Variants in NLGN1 observed in about 807,000 individuals in gnomAD.
NLGN1 encodes neuroligin 1, also known as neuroligin-1.
A neutral mutation model predicts 65.5 loss-of-function variants in NLGN1; 12 were observed. The observed-to-expected ratio is 0.18, with a 90% CI of 0.12 to 0.30. NLGN1 has a LOEUF of 0.30. Ranked by LOEUF, NLGN1 falls within the 10% of genes least tolerant of loss-of-function variation. The pLI is 1.00. For synonymous variants in NLGN1, 350 were observed against 359.5 expected (o/e 0.97, Z 0.30); for missense variants, 750 against 1,007.1 (o/e 0.74, Z 3.46).
intron 3 of NLGN1, among the ~76,000 whole-genome samples, chr3:173,622,825 A>G (rs1309052770): frequency 6.6e-6 from 1 of 152,110 alleles, no homozygotes; most frequent in East Asian, 1.9e-4. Flanking sequence ...TAGAATAATT[A>G]TTTATTGTTT....
chr3:173,434,955 TC>T (rs1717842550), intron 1 of NLGN1: 1 of 152,740 alleles, frequency 6.5e-6, no homozygotes, highest in South Asian at 2.1e-4. Flanking sequence ...GTTGCTCAGT[TC>T]CGTGTCACTA....
At chr3:174,018,633 A>T (rs570449187) in intron 4 of NLGN1, among the ~76,000 whole-genome samples, 1 of 152,248 alleles carries the variant, frequency 6.6e-6, no homozygotes, top group Admixed American at 6.5e-5. Context: ...ACATCTAGAA[A>T]CGTTCTTAAA....
downstream of NLGN1, among the ~76,000 whole-genome samples, chr3:174,289,181 A>G (rs1485466890): frequency 6.6e-6 from 1 of 151,456 alleles, no homozygotes; most frequent in Non-Finnish European, 1.5e-5. Context: ...GCAAAAGATG[A>G]CAATTACTAA....
chr3:173,615,804 A>T (rs1301782148), intron 3 of NLGN1, among the ~76,000 whole-genome samples: 4 of 150,328 alleles, frequency 2.7e-5, no homozygotes, highest in Non-Finnish European at 5.9e-5. Flanking sequence ...AAAGCTGGGG[A>T]ATGCTTTGGC....
intron 2 of NLGN1, among the ~76,000 whole-genome samples, chr3:173,575,301 C>T (rs1745335447): frequency 1.3e-5 from 2 of 152,158 alleles, no homozygotes; most frequent in South Asian, 4.1e-4. Flanking sequence ...GATTGGTAAA[C>T]TTCAGTTTAT....
At chr3:173,819,561 C>T (rs1054168562) in intron 4 of NLGN1, among the ~76,000 whole-genome samples, 1 of 152,198 alleles carries the variant, frequency 6.6e-6, no homozygotes, top group East Asian at 1.9e-4. Flanking sequence ...CACAAATACC[C>T]ATCTTTCTCA....
intron 2 of NLGN1, among the ~76,000 whole-genome samples, chr3:173,530,235 G>A (rs556119792): frequency 3.9e-5 from 6 of 152,270 alleles, no homozygotes; most frequent in East Asian, 1.9e-4. Flanking sequence ...GATTACAGGC[G>A]TGAGCCACCA....
At chr3:174,194,427 G>A (rs1340829175) in intron 4 of NLGN1, among the ~76,000 whole-genome samples, 5 of 148,616 alleles carry the variant, frequency 3.4e-5, no homozygotes, top group Admixed American at 1.4e-4. Context: ...CCAGCCTGGA[G>A]ACAGAGCTAG....
At chr3:173,490,152 T>A (rs1315313158) in intron 2 of NLGN1, among the ~76,000 whole-genome samples, 1 of 152,238 alleles carries the variant, frequency 6.6e-6, no homozygotes, top group African/African-American at 2.4e-5. Context: ...AGACATGAAG[T>A]CCTTGCCCAT....
intron 4 of NLGN1, among the ~76,000 whole-genome samples, chr3:174,265,127 C>CT (rs1031425333): frequency 6.6e-6 from 1 of 151,646 alleles, no homozygotes; most frequent in Non-Finnish European, 1.5e-5. Context: ...TTATTGCTGT[C>CT]TTTTTGTTTG....
rs140952101 is a variant in NLGN1 at position 173,750,327 on chromosome 3, A to G, written c.494-57353A>G. ...TTATTACCATAGCAACACTTTCCTC[A>G]TGGCTTACACCATACCCTTATGATT... is the stretch of plus-strand genomic sequence containing the variant. On this transcript the variant is annotated intron_variant, in intron 3 of 6. Transcript: ENST00000457714. Among the ~76,000 whole-genome samples, 72 of 152,188 alleles carry G rather than the reference A, an allele frequency of 4.7e-4. 1 individual carries two copies. The highest frequency in any genetic ancestry group is 1.6e-3 in the African/African-American group (65 of 41,550).
chr3:173,942,648 A>G (rs996517861), intron 4 of NLGN1, among the ~76,000 whole-genome samples: 4 of 151,476 alleles, frequency 2.6e-5, no homozygotes, highest in African/African-American at 7.3e-5. Context: ...AAAGAACAAA[A>G]TACAGTGAAA....
At chr3:174,229,478 AT>A (rs571801950) in intron 4 of NLGN1, among the ~76,000 whole-genome samples, 48 of 152,306 alleles carry the variant, frequency 3.2e-4, no homozygotes, top group Admixed American at 1.6e-3. Context: ...CCCTCCCCAA[AT>A]TAATAAAAGT....
rs142655645 is a variant in NLGN1, at chr3:174,141,343, A to G, written c.647-133972A>G. 5.3e-5 allele frequency among the ~76,000 whole-genome samples: 8 copies of G among 152,280 alleles called. No individual in the cohort carries two copies. In the East Asian group the frequency reaches 1.2e-3, roughly 22 times the overall value. On this transcript the variant is annotated intron_variant, in intron 4 of 6. Coordinates refer to ENST00000457714, the Ensembl canonical transcript of NLGN1. The stretch of plus-strand genomic sequence containing the variant: ...TTGCTGAAGTGTTTCCTAATCTTTC[A>G]TCTTGTCACATTAGGATTCATTTAA...
intron 2 of NLGN1, among the ~76,000 whole-genome samples, chr3:173,543,626 G>A (rs1739264614): frequency 6.6e-6 from 1 of 152,066 alleles, no homozygotes; most frequent in Admixed American, 6.6e-5. Flanking sequence ...GATATTATAA[G>A]TGAAATTCTT....
intron 3 of NLGN1, among the ~76,000 whole-genome samples, chr3:173,686,134 G>C (rs1035642951): frequency 6.6e-5 from 10 of 152,074 alleles, no homozygotes; most frequent in Non-Finnish European, 1.5e-5. Flanking sequence ...GTACACAATT[G>C]ATTTTTCATA....
At chr3:173,991,665 G>C (rs1023670005) in intron 4 of NLGN1, among the ~76,000 whole-genome samples, 6 of 152,138 alleles carry the variant, frequency 3.9e-5, no homozygotes, top group Non-Finnish European at 8.8e-5. Flanking sequence ...GTACAAAGTA[G>C]GAGAAAGAAT....
chr3:173,643,745 T>C (rs1027963640), intron 3 of NLGN1, among the ~76,000 whole-genome samples: 6 of 152,150 alleles, frequency 3.9e-5, no homozygotes, highest in Non-Finnish European at 7.4e-5. Flanking sequence ...AACAAGACTC[T>C]TACTCACTGA....
At chr3:174,286,425 A>G (rs1752123665) in exon 7 of NLGN1, 1 of 151,562 alleles carries the variant, frequency 6.6e-6, no homozygotes, top group Non-Finnish European at 1.5e-5. Flanking sequence ...TGCCATTTTC[A>G]GAGTTGACAT....
Sources: allele counts gnomAD v4.1 joint callset (sites outside exome capture counted in the v4.1 genomes callset), GRCh38; gene constraint gnomAD v4.1.1; transcripts MANE v1.5; gene names NCBI Gene and HGNC (gene_info 2026-07-23, HGNC 2026-07-21).